CRYBG3: variants seen among roughly 807,000 people sequenced by gnomAD.
CRYBG3 encodes very large A-kinase anchor protein.
Under a neutral mutation model 244.2 loss-of-function variants are expected in CRYBG3, and 127 were observed. The ratio of observed to expected loss-of-function variants is 0.52; its 90% confidence interval spans 0.45 to 0.60. The LOEUF (loss-of-function observed/expected upper bound fraction) is 0.60. Ranked by LOEUF, CRYBG3 falls within the 20% of genes least tolerant of loss-of-function variation. The probability of loss-of-function intolerance (pLI) is 0.00; values close to 1 mark genes in which losing one functional copy is unlikely to be tolerated. For missense variants in CRYBG3, 3,325 were observed against 3,442.5 expected (o/e 0.97, Z 0.85); for synonymous variants, 1,132 against 1,195.8 (o/e 0.95, Z 1.10).
intron 1 of CRYBG3, among the ~76,000 whole-genome samples, chr3:97,839,072 C>T (rs1041145554): frequency 1.3e-5 from 2 of 152,046 alleles, no homozygotes; most frequent in South Asian, 4.1e-4. Context: ...TTTATTTGTG[C>T]GTACATGTGA....
At chr3:97,916,750 A>T (rs938441444) in intron 17 of CRYBG3, among the ~76,000 whole-genome samples, 17 of 152,176 alleles carry the variant, frequency 1.1e-4, no homozygotes, top group African/African-American at 4.1e-4. Context: ...TATTCTTGGT[A>T]TCAGACTAAT....
At chr3:97,889,789 G>T (rs1270982561) in intron 10 of CRYBG3, among the ~76,000 whole-genome samples, 2 of 152,146 alleles carry the variant, frequency 1.3e-5, no homozygotes, top group East Asian at 3.8e-4. Flanking sequence ...AGGAAGTGTA[G>T]GTAGCTCTTA....
In CRYBG3 at chr3:97,875,740, C is replaced by G; in HGVS notation, c.4546C>G (p.Pro1516Ala). Residue 1516 changes from proline (P) to alanine (A), a missense_variant, in exon 4 of 22, where the codon CCT becomes GCT. By Grantham distance (27) the Pro-to-Ala change is conservative. Coordinates refer to ENST00000389622, the MANE Select transcript of CRYBG3 (RefSeq NM_153605.4). ...CTTGCCAGGACACAGTAAAAACACA[C>G]CTCTTGCAATGTCAGATGTAGGGAA... ...KNLPGHSKNTPLAMSDVGKVH... is the reference protein window; with the variant it reads ...KNLPGHSKNTALAMSDVGKVH... The G allele has an allele frequency of 8.1e-7, 1 of 1,232,006 alleles. No homozygotes were observed. Among genetic ancestry groups the G allele is most frequent in the Non-Finnish European group, 1.0e-6 (1 of 987,966 alleles). The allele number at this position is 1,232,006 out of a possible 1,614,324, so 76.3% of individuals were successfully genotyped here. A position where few individuals can be genotyped will look rare whatever the true frequency, so the allele number is the denominator to read the frequency against.
intron 3 of CRYBG3, among the ~76,000 whole-genome samples, chr3:97,866,816 A>C (rs1277484992): frequency 6.6e-6 from 1 of 152,202 alleles, no homozygotes; most frequent in African/African-American, 2.4e-5. Context: ...TGTAAATAGA[A>C]TAATTGCTTA....
intron 15 of CRYBG3, among the ~76,000 whole-genome samples, chr3:97,909,107 C>T (rs376947721): frequency 2.6e-5 from 4 of 152,144 alleles, no homozygotes; most frequent in African/African-American, 7.2e-5. Flanking sequence ...GGGTTTCTGC[C>T]GAGAGATCCT....
chr3:97,923,015 AG>A (rs2039999652), intron 17 of CRYBG3, among the ~76,000 whole-genome samples: 1 of 152,212 alleles, frequency 6.6e-6, no homozygotes, highest in African/African-American at 2.4e-5. Context: ...GCCATAAAAA[AG>A]GATGAGTTCA....
rs969254976 is a variant in CRYBG3, at chr3:97,822,404, G to T, written c.149+49G>T. ...GGGGGGGCCCTGCACATATTCGCGG[G>T]ATGAAGGCTCCCGGCCTGACCGCCG... is the stretch of plus-strand genomic sequence containing the variant. On this transcript the variant is annotated intron_variant, in intron 1 of 21. Transcript: ENST00000389622. The T allele has an allele frequency of 1.8e-5, 25 of 1,410,818 alleles. 1 individual carries two copies. In the South Asian group the frequency reaches 3.5e-4, roughly 20 times the overall value. 87.4% of individuals were successfully genotyped at this position (1,410,818 alleles called of 1,614,324 possible). A position where few individuals can be genotyped will look rare whatever the true frequency, so the allele number is the denominator to read the frequency against.
Position 97,943,404 on chromosome 3 carries a change from G to A in CRYBG3, c.*90G>A. On this transcript the variant is annotated 3_prime_UTR_variant, in exon 22 of 22. Coordinates refer to ENST00000389622, the MANE Select transcript of CRYBG3 (RefSeq NM_153605.4). ...TTGTGGACGTGGAAAGGAAGCTACT[G>A]TCCTCACACTCCTGGATCACTGAGC... The A allele has an allele frequency of 2.7e-6, 2 of 738,632 alleles. No individual in the cohort carries two copies. Among genetic ancestry groups the A allele is most frequent in the Middle Eastern group, 2.3e-4 (1 of 4,354 alleles). 45.8% of individuals were successfully genotyped at this position (738,632 alleles called of 1,614,324 possible).
At chr3:97,919,328 A>G (rs1309941377) in intron 17 of CRYBG3, among the ~76,000 whole-genome samples, 1 of 152,136 alleles carries the variant, frequency 6.6e-6, no homozygotes, top group African/African-American at 2.4e-5. Flanking sequence ...ATTTAATTTA[A>G]TCATACTAAG....
chr3:97,864,567 C>T lies in CRYBG3; in HGVS notation c.567C>T (p.Asp189=). Reference sequence around the variant, plus strand: ...AGACACATCCAACAGAAGAACAAGACTCTAACTCATCCGAACTCTCAGATG... The same window carrying T: ...AGACACATCCAACAGAAGAACAAGATTCTAACTCATCCGAACTCTCAGATG... The part of the protein sequence containing the change: ...RTQTHPTEEQ[D]SNSSELSDAF... The change falls in exon 3 of 22, where the codon GAC becomes GAT. Residue 189 remains aspartate, a synonymous_variant. Coordinates refer to ENST00000389622, the MANE Select transcript of CRYBG3 (RefSeq NM_153605.4). 1.3e-6 allele frequency: 2 copies of T among 1,535,842 alleles called. No homozygotes were observed. Among genetic ancestry groups the T allele is most frequent in the Non-Finnish European group, 8.7e-7 (1 of 1,146,714 alleles).
intron 2 of CRYBG3, among the ~76,000 whole-genome samples, chr3:97,849,834 C>T (rs2038958049): frequency 6.6e-6 from 1 of 152,134 alleles, no homozygotes; most frequent in African/African-American, 2.4e-5. Context: ...GTTATTCTGG[C>T]CCAGTGCTTT....
rs571081269 is a variant in CRYBG3 at position 97,892,185 on chromosome 3, G to C, written c.7441-675G>C. Among the ~76,000 whole-genome samples, 3 of 152,268 alleles carry C rather than the reference G, an allele frequency of 2.0e-5. No individual in the cohort carries two copies. In the South Asian group the frequency reaches 6.2e-4, roughly 32 times the overall value. ...GAAGGCTCTGCTCTTATCTGCAGCTGATCGGAGCATAACGGTCTTGGTACC... is the reference window on the plus strand; with the variant it reads ...GAAGGCTCTGCTCTTATCTGCAGCTCATCGGAGCATAACGGTCTTGGTACC... On this transcript the variant is annotated intron_variant, in intron 10 of 21. Transcript: ENST00000389622.
At chr3:97,852,433 G>T (rs1044788788) in intron 2 of CRYBG3, among the ~76,000 whole-genome samples, 3 of 152,130 alleles carry the variant, frequency 2.0e-5, no homozygotes, top group African/African-American at 7.2e-5. Flanking sequence ...TCCCTGAAAG[G>T]TCATGGTTAG....
chr3:97,936,912 A>C lies in CRYBG3; in HGVS notation c.8505+4A>C. The C allele has an allele frequency of 6.2e-7, 1 of 1,610,746 alleles. No homozygotes were observed. The highest frequency in any genetic ancestry group is 8.5e-7 in the Non-Finnish European group (1 of 1,178,698). On this transcript the variant is annotated splice_donor_region_variant and intron_variant, in intron 19 of 21. Transcript: ENST00000389622. ...TTCCCTCCGTCCTATGAAGCAGGTA[A>C]GGAGAAAAGAACCATAAGATTCCAA...
intron 16 of CRYBG3, 106 bp from the exon 17 acceptor site, chr3:97,915,504 A>G: frequency 8.4e-7 from 1 of 1,191,566 alleles, no homozygotes; most frequent in Non-Finnish European, 1.2e-6. Flanking sequence ...GGTGCTCTGC[A>G]CCACTTTCTA....
Position 97,875,775 on chromosome 3 carries a change from GA to G in CRYBG3, c.4583del (p.Lys1528ArgfsTer5). The G allele has an allele frequency of 1.6e-6, 2 of 1,231,788 alleles. No homozygotes were observed. Among genetic ancestry groups the G allele is most frequent in the Non-Finnish European group, 2.0e-6 (2 of 987,758 alleles). The allele number at this position is 1,231,788 out of a possible 1,614,324, so 76.3% of individuals were successfully genotyped here. A position where few individuals can be genotyped will look rare whatever the true frequency, so the allele number is the denominator to read the frequency against. On this transcript the variant is annotated frameshift_variant, in exon 4 of 22. Transcript: ENST00000389622. LOFTEE classifies it high-confidence loss of function. ...TGTCAGATGTAGGGAAAGTACACAA[GA>G]AGGATAATGAAATAAATATAGGGAA... ...AMSDVGKVHK[K>X]DNEINIGKIE...
intron 12 of CRYBG3, among the ~76,000 whole-genome samples, chr3:97,897,535 T>A (rs1343327386): frequency 6.6e-6 from 1 of 152,048 alleles, no homozygotes; most frequent in Non-Finnish European, 1.5e-5. Context: ...GTTACTTAAT[T>A]GTGTAGAAAA....
At chr3:97,841,347 T>A (rs1048304718) in intron 1 of CRYBG3, among the ~76,000 whole-genome samples, 7 of 151,480 alleles carry the variant, frequency 4.6e-5, no homozygotes, top group African/African-American at 1.7e-4. Context: ...TATGCATATA[T>A]ATATGTATAT....
intron 1 of CRYBG3, among the ~76,000 whole-genome samples, chr3:97,826,201 T>C (rs982109136): frequency 1.2e-4 from 18 of 152,180 alleles, no homozygotes; most frequent in Non-Finnish European, 1.8e-4. Flanking sequence ...GTCCACCTTT[T>C]CCAAGTGATT....
Sources: gnomAD v4.1 joint callset for allele counts (sites outside exome capture counted in the v4.1 genomes callset) on GRCh38, gnomAD v4.1.1 for gene constraint, MANE v1.5 for transcripts, NCBI Gene and HGNC (gene_info 2026-07-23, HGNC 2026-07-21) for gene names.